The following DGKH variants were observed in gnomAD, a reference collection of about 807,000 sequenced individuals.
DGKH encodes DAG kinase eta.
Under a neutral mutation model 159.3 loss-of-function variants are expected in DGKH, and 90 were observed. The ratio of observed to expected loss-of-function variants is 0.57; its 90% CI spans 0.48 to 0.67. The LOEUF (loss-of-function observed/expected upper bound fraction) is 0.67. Ranked by LOEUF, DGKH falls within the 30% of genes least tolerant of loss-of-function variation. The pLI, the probability that DGKH is intolerant of heterozygous loss-of-function variation, is 0.00. For missense variants in DGKH, 1,181 were observed against 1,506.1 expected (o/e 0.78, Z 3.57); for synonymous variants, 536 against 553.8 (o/e 0.97, Z 0.45).
chr13:42,149,364 A>G (rs1955820659), intron 3 of DGKH, among the ~76,000 whole-genome samples: 1 of 152,134 alleles, frequency 6.6e-6, no homozygotes, highest in Non-Finnish European at 1.5e-5. Flanking sequence ...TCAGATCACG[A>G]AGGGTCTTGT....
chr13:42,062,764 A>G (rs1593969825), intron 1 of DGKH, among the ~76,000 whole-genome samples: 2 of 152,248 alleles, frequency 1.3e-5, no homozygotes, highest in African/African-American at 4.8e-5. Context: ...GTTACGGCCA[A>G]CTTCAGGCAT....
intron 7 of DGKH, among the ~76,000 whole-genome samples, chr13:42,160,839 A>G (rs1956163351): frequency 6.6e-6 from 1 of 152,214 alleles, no homozygotes; most frequent in South Asian, 2.1e-4. Context: ...CAAATTTTAA[A>G]ATATGGAAAA....
chr13:42,159,928 T>G, intron 6 of DGKH, 83 bp from the exon 7 acceptor site: 6 of 1,597,260 alleles, frequency 3.8e-6, no homozygotes, highest in Non-Finnish European at 5.1e-6. Context: ...CCCTCTAGAG[T>G]GAGAAATGAT....
intron 3 of DGKH, 30 bp downstream of exon 3, chr13:42,129,662 C>T (rs780716289): frequency 7.6e-6 from 12 of 1,588,282 alleles, no homozygotes; most frequent in African/African-American, 1.3e-5. Context: ...ACTCCCTTCT[C>T]AAAAGTTATA....
intron 1 of DGKH, among the ~76,000 whole-genome samples, chr13:42,103,102 A>C (rs912875): frequency 0.43 from 66,060 of 152,020 alleles, 14,656 homozygotes; most frequent in Non-Finnish European, 0.47. Context: ...AGAAGTCTGC[A>C]GTCTGGGATC....
chr13:42,186,257 G>A (rs555012429), intron 13 of DGKH, among the ~76,000 whole-genome samples: 7 of 152,146 alleles, frequency 4.6e-5, no homozygotes, highest in African/African-American at 1.7e-4. Flanking sequence ...ATCAGCATAA[G>A]CCTTGGCTTT....
intron 1 of DGKH, among the ~76,000 whole-genome samples, chr13:42,064,800 CTT>C (rs1468579841): frequency 6.6e-6 from 1 of 151,988 alleles, no homozygotes; most frequent in Non-Finnish European, 1.5e-5. Context: ...TGGGGGCCCT[CTT>C]TAGTAAAATA....
chr13:42,185,842 A>C (rs1956906270), intron 13 of DGKH, among the ~76,000 whole-genome samples: 1 of 152,230 alleles, frequency 6.6e-6, no homozygotes, highest in Admixed American at 6.5e-5. Context: ...AAAAGCCAAC[A>C]AAGAAGGTTC....
chr13:42,153,025 A>C (rs1955954297), intron 3 of DGKH, among the ~76,000 whole-genome samples: 1 of 150,558 alleles, frequency 6.6e-6, no homozygotes, highest in Non-Finnish European at 1.5e-5. Context: ...AAGGCCTATA[A>C]ATCAAAATAA....
chr13:42,071,045 C>A lies in DGKH; in HGVS notation c.192+22080C>A, dbSNP rs1882932242. The A allele has an allele frequency of 4.9e-5, 61 of 1,239,648 alleles. 1 individual carries two copies. The South Asian group carries it at 8.2e-4, about 17-fold the overall frequency. The allele number at this position is 1,239,648 out of a possible 1,614,324, so 76.8% of individuals were successfully genotyped here. A position where few individuals can be genotyped will look rare whatever the true frequency, so the allele number is the denominator to read the frequency against. On this transcript the variant is annotated intron_variant, in intron 1 of 29. Coordinates refer to ENST00000337343, the MANE Select transcript of DGKH (RefSeq NM_178009.5). Reference sequence around the variant, plus strand: ...GGTTTTAAGTCCATATACGTAGAATCCAGATCAAAACCATGAATGTTCATG... The same window carrying A: ...GGTTTTAAGTCCATATACGTAGAATACAGATCAAAACCATGAATGTTCATG...
In DGKH at chr13:42,198,735, T is replaced by G. The variant is rs1957271616; in HGVS notation, c.2285+140T>G. The G allele has an allele frequency of 3.8e-6, 3 of 785,130 alleles. No homozygotes were observed. The South Asian group carries it at 4.8e-5, about 13-fold the overall frequency. 48.6% of individuals were successfully genotyped at this position (785,130 alleles called of 1,614,324 possible). A position where few individuals can be genotyped will look rare whatever the true frequency, so the allele number is the denominator to read the frequency against. On this transcript the variant is annotated intron_variant, in intron 18 of 29. Coordinates refer to ENST00000337343, the MANE Select transcript of DGKH (RefSeq NM_178009.5). ...AGGATGATCAGAAAATTACAAAAGT[T>G]GATAATGCCAAGCACATTGAGTCTT... is the stretch of plus-strand genomic sequence containing the variant.
chr13:42,253,084 G>A (rs1044234301), intron 30 of DGKH, among the ~76,000 whole-genome samples: 1 of 152,184 alleles, frequency 6.6e-6, no homozygotes, highest in African/African-American at 2.4e-5. Context: ...GTTAAAGGCA[G>A]CTTTCTACCC....
At chr13:42,120,963 G>A (rs1481523282) in intron 1 of DGKH, among the ~76,000 whole-genome samples, 1 of 151,838 alleles carries the variant, frequency 6.6e-6, no homozygotes, top group Non-Finnish European at 1.5e-5. Context: ...TTTACTTACA[G>A]ACCCCAACCC....
chr13:42,085,465 A>G (rs1387405680), intron 1 of DGKH, among the ~76,000 whole-genome samples: 1 of 152,212 alleles, frequency 6.6e-6, no homozygotes, highest in Non-Finnish European at 1.5e-5. Context: ...TTGTGGCAAT[A>G]GGTAATTTGA....
At chr13:42,207,518 G>T (rs1364794238) in intron 21 of DGKH, among the ~76,000 whole-genome samples, 2 of 151,550 alleles carry the variant, frequency 1.3e-5, no homozygotes, top group Admixed American at 1.3e-4. Context: ...CTAAACTTGT[G>T]TGTGTATATA....
intron 1 of DGKH, among the ~76,000 whole-genome samples, chr13:42,053,488 CTA>C (rs367935668): frequency 1.4e-4 from 20 of 144,918 alleles, no homozygotes; most frequent in African/African-American, 4.3e-4. Flanking sequence ...AACTATATAA[CTA>C]TATGTATAGA....
In DGKH at chr13:42,198,670, T is replaced by C. The variant is rs1957270342; in HGVS notation, c.2285+75T>C. The C allele has an allele frequency of 4.8e-6, 6 of 1,248,638 alleles. No individual in the cohort carries two copies. In the South Asian group the frequency reaches 7.7e-5, roughly 16 times the overall value. 77.3% of individuals were successfully genotyped at this position (1,248,638 alleles called of 1,614,324 possible). On this transcript the variant is annotated intron_variant, in intron 18 of 29. Transcript: ENST00000337343. ...TTTTTTTTCAACATGAACTGTAACA[T>C]TTTAAATGTATTACAATAAATATGG...
chr13:42,206,975 T>TTTTCCTTCTTTCTTTCTTTC (rs1555275941), intron 21 of DGKH, among the ~76,000 whole-genome samples: 1 of 82,310 alleles, frequency 1.2e-5, no homozygotes, highest in African/African-American at 5.0e-5. Flanking sequence ...TACTTTTACT[T>TTTTCCTTCTTTCTTTCTTTC]TTTCTTTCTT....
rs765169116 is a variant in DGKH, at chr13:42,223,293, G to A, written c.3573+1899G>A. On this transcript the variant is annotated intron_variant, in intron 29 of 29. Transcript: ENST00000337343. Reference sequence around the variant, plus strand: ...ACTCCTTAGGTACTCCATTGCTTCCGGTACTACTTGTGAATATGTCAGTGG... The same window carrying A: ...ACTCCTTAGGTACTCCATTGCTTCCAGTACTACTTGTGAATATGTCAGTGG... 5.3e-5 allele frequency among the ~76,000 whole-genome samples: 8 copies of A among 151,978 alleles called. No homozygotes were observed. In the South Asian group the frequency reaches 8.3e-4, roughly 16 times the overall value.
Sources: gnomAD v4.1 joint callset for allele counts (sites outside exome capture counted in the v4.1 genomes callset) on GRCh38, gnomAD v4.1.1 for gene constraint, MANE v1.5 for transcripts, NCBI Gene and HGNC (gene_info 2026-07-23, HGNC 2026-07-21) for gene names.